Variants in NF1 observed in about 807,000 individuals in gnomAD.
The protein encoded by NF1 is neurofibromin 1, also known as neurofibromin.
In NF1, 122 loss-of-function variants were observed where a neutral mutation model predicts 325.7. That is an observed-to-expected ratio of 0.37 (90% CI 0.32 to 0.44). The LOEUF (loss-of-function observed/expected upper bound fraction) is 0.44, where lower values mean the gene tolerates loss of function less well. Ranked by LOEUF, NF1 falls within the 20% of genes least tolerant of loss-of-function variation. The pLI, the probability that NF1 is intolerant of heterozygous loss-of-function variation, is 1.00. For missense variants in NF1, 2,140 were observed against 3,415.4 expected, an observed-to-expected ratio of 0.63 and a Z score of 9.31; for synonymous variants, 1,091 against 1,186.0, an observed-to-expected ratio of 0.92 and a Z score of 1.65.
chr17:31,178,271 C>G (rs995817392), intron 5 of NF1, among the ~76,000 whole-genome samples: 2 of 152,146 alleles, frequency 1.3e-5, no homozygotes, highest in Admixed American at 1.3e-4. Flanking sequence ...GCAAACTAAG[C>G]TTCATAAGCG....
At chr17:31,177,002 TCA>T (rs2066035833) in intron 5 of NF1, among the ~76,000 whole-genome samples, 1 of 152,206 alleles carries the variant, frequency 6.6e-6, no homozygotes, top group African/African-American at 2.4e-5. Context: ...TTTTCTGGTT[TCA>T]TATGAAATTT....
intron 40 of NF1, 80 bp downstream of exon 40, chr17:31,335,111 C>T (rs1049946106): frequency 4.8e-5 from 57 of 1,178,650 alleles, no homozygotes; most frequent in Middle Eastern, 1.9e-4. Context: ...CAAAGCACTG[C>T]GCTAGACACT....
chr17:31,282,209 C>T (rs538832476), intron 36 of NF1, among the ~76,000 whole-genome samples: 1 of 151,880 alleles, frequency 6.6e-6, no homozygotes, highest in South Asian at 2.1e-4. Context: ...GGTGAAACCC[C>T]GTCTCTACTA....
intron 31 of NF1, among the ~76,000 whole-genome samples, chr17:31,258,134 C>A (rs1418510274): frequency 6.6e-6 from 1 of 151,858 alleles, no homozygotes; most frequent in African/African-American, 2.4e-5. Context: ...CTCTGAGATA[C>A]CTTAATTGTA....
chr17:31,350,326 G>T lies in NF1; in HGVS notation c.7457+8G>T, dbSNP rs376147282. The T allele has an allele frequency of 2.2e-5, 35 of 1,608,744 alleles. No individual in the cohort carries two copies. The highest frequency in any genetic ancestry group is 2.9e-5 in the Non-Finnish European group (34 of 1,175,950). Reference sequence around the variant, plus strand: ...TGGTGACCCTTCCTATAGGTAAGTGGATTTACTCTCCTATAATTACATAAT... The same window carrying T: ...TGGTGACCCTTCCTATAGGTAAGTGTATTTACTCTCCTATAATTACATAAT... On this transcript the variant is annotated splice_region_variant and intron_variant, in intron 50 of 57. Coordinates refer to ENST00000358273, the MANE Select transcript of NF1 (RefSeq NM_001042492.3).
At chr17:31,271,345 C>T (rs1202433168) in intron 36 of NF1, among the ~76,000 whole-genome samples, 4 of 146,838 alleles carry the variant, frequency 2.7e-5, no homozygotes, top group East Asian at 4.0e-4. Flanking sequence ...CTTTTCTTAG[C>T]GAAATGACAT....
rs140933050 is a variant in NF1 at position 31,318,455 on chromosome 17, C to T, written c.4836-7365C>T. On this transcript the variant is annotated intron_variant, in intron 36 of 57. Coordinates refer to ENST00000358273, the MANE Select transcript of NF1 (RefSeq NM_001042492.3). ...GTGTCTGATTCAGCGGGCCATAGAC[C>T]GCTTGCCAGAAAATCGCCATTGCTT... 4.2e-3 allele frequency: 6,831 copies of T among 1,613,970 alleles called. 16 individuals carry two copies. The highest frequency in any genetic ancestry group is 5.1e-3 in the Non-Finnish European group (6,054 of 1,179,984).
intron 1 of NF1, among the ~76,000 whole-genome samples, chr17:31,152,096 T>C (rs1187916288): frequency 1.3e-5 from 2 of 152,238 alleles, no homozygotes; most frequent in South Asian, 2.1e-4. Context: ...TTATGTTTTC[T>C]TTAAATATCT....
chr17:31,340,782 A>G lies in NF1; in HGVS notation c.7062+137A>G, dbSNP rs978226626. The G allele has an allele frequency of 1.6e-5, 14 of 875,542 alleles. No individual in the cohort carries two copies. In the Admixed American group the frequency reaches 1.6e-4, roughly 10 times the overall value. The allele number at this position is 875,542 out of a possible 1,614,324, so 54.2% of individuals were successfully genotyped here. ...TTGTATAATGTAACTTATTGTGAGTATATTTCCTTACCAGCTCATAAAGAA... is the reference window on the plus strand; with the variant it reads ...TTGTATAATGTAACTTATTGTGAGTGTATTTCCTTACCAGCTCATAAAGAA... On this transcript the variant is annotated intron_variant, in intron 47 of 57. Coordinates refer to ENST00000358273, the MANE Select transcript of NF1 (RefSeq NM_001042492.3).
intron 57 of NF1, among the ~76,000 whole-genome samples, chr17:31,366,070 C>T (rs745928999): frequency 6.6e-5 from 10 of 151,590 alleles, no homozygotes; most frequent in Non-Finnish European, 1.3e-4. Flanking sequence ...GAGTAGCTGG[C>T]ACTACAGGCA....
intron 36 of NF1, among the ~76,000 whole-genome samples, chr17:31,293,488 C>T (rs1160373361): frequency 6.6e-6 from 1 of 152,106 alleles, no homozygotes; most frequent in African/African-American, 2.4e-5. Flanking sequence ...GTTCGAGAGC[C>T]ACTGTACTAG....
chr17:31,114,914 G>A (rs1457928376), intron 1 of NF1, among the ~76,000 whole-genome samples: 1 of 152,162 alleles, frequency 6.6e-6, no homozygotes, highest in Non-Finnish European at 1.5e-5. Context: ...GTGCATGCCT[G>A]TGGCTGTGGT....
rs1555613912 is a variant in NF1, at chr17:31,227,227, C to G, written c.2261C>G (p.Ala754Gly). Residue 754 changes from alanine (A) to glycine (G), a missense_variant, in exon 19 of 58, where the codon GCA becomes GGA. By Grantham distance (60) the Ala-to-Gly change is moderately conservative (BLOSUM62 0). This residue lies in a region of NF1 where 380 missense variants were observed against 639.3 expected (regional missense o/e 0.59). Coordinates refer to ENST00000358273, the MANE Select transcript of NF1 (RefSeq NM_001042492.3). ...VSNMMSTGRAALQKRVMALLR... is the reference protein window; with the variant it reads ...VSNMMSTGRAGLQKRVMALLR... ...TGTTGTATTTGCTTAGGAAGAGCAG[C>G]ACTTCAGAAAAGAGTGATGGCACTG... 17 of 1,613,642 alleles carry G rather than the reference C, an allele frequency of 1.1e-5. No homozygotes were observed. The highest frequency in any genetic ancestry group is 1.4e-5 in the Non-Finnish European group (16 of 1,179,674).
chr17:31,339,196 T>TG (rs71360769), intron 46 of NF1, among the ~76,000 whole-genome samples: 3 of 152,046 alleles, frequency 2.0e-5, no homozygotes, highest in African/African-American at 7.2e-5. Context: ...GTGTGGAGGT[T>TG]GGGGAGTGAA....
intron 36 of NF1, among the ~76,000 whole-genome samples, chr17:31,306,650 C>G (rs540531195): frequency 3.4e-4 from 52 of 152,238 alleles, no homozygotes; most frequent in African/African-American, 1.3e-3. Flanking sequence ...TCATTCAACT[C>G]AGAGTCTTAG....
At chr17:31,199,109 T>A (rs2066482932) in intron 8 of NF1, among the ~76,000 whole-genome samples, 1 of 152,160 alleles carries the variant, frequency 6.6e-6, no homozygotes, top group Non-Finnish European at 1.5e-5. Flanking sequence ...TTTATTATTT[T>A]CTTTCTTCTG....
At chr17:31,339,365 T>C (rs906928817) in intron 46 of NF1, among the ~76,000 whole-genome samples, 2 of 152,220 alleles carry the variant, frequency 1.3e-5, no homozygotes, top group Admixed American at 1.3e-4. Context: ...TTTAGGATGG[T>C]CTGACCTTAT....
intron 1 of NF1, among the ~76,000 whole-genome samples, chr17:31,103,299 G>A (rs898422670): frequency 6.6e-6 from 1 of 152,022 alleles, no homozygotes; most frequent in African/African-American, 2.4e-5. Context: ...CTGGAGTGTA[G>A]TGGTACAATT....
chr17:31,343,094 A>G lies in NF1; in HGVS notation c.7148A>G (p.Asn2383Ser), dbSNP rs146296921. 2 of 1,613,922 alleles carry G rather than the reference A, an allele frequency of 1.2e-6. No homozygotes were observed. The highest frequency in any genetic ancestry group is 2.2e-5 in the East Asian group (1 of 44,880). ...QMDHFVGLNFNSNFNFALVGH... is the reference protein window; with the variant it reads ...QMDHFVGLNFSSNFNFALVGH... ...GATCATTTTGTTGGACTCAATTTCA[A>G]CTCTAACTTTAACTTTGCATTGGTT... The change falls in exon 48 of 58, where the codon AAC (asparagine) becomes AGC (serine). Residue 2383 changes from asparagine to serine, a missense_variant. Coordinates refer to ENST00000358273, the MANE Select transcript of NF1 (RefSeq NM_001042492.3).
Sources: allele counts gnomAD v4.1 joint callset (sites outside exome capture counted in the v4.1 genomes callset), GRCh38; gene constraint gnomAD v4.1.1; regional missense constraint gnomAD v4.1.1; transcripts MANE v1.5; gene names NCBI Gene and HGNC (gene_info 2026-07-23, HGNC 2026-07-21).